HLA-G: variants seen among roughly 807,000 people sequenced by gnomAD.
HLA-G encodes the protein major histocompatibility complex, class I, G, also known as HLA class I histocompatibility antigen, alpha chain G.
Under a neutral mutation model 39.3 loss-of-function variants are expected in HLA-G, and 34 were observed. That is an observed-to-expected ratio of 0.86 (90% confidence interval 0.66 to 1.15). HLA-G has a LOEUF of 1.15. Ranked by LOEUF, HLA-G falls within the 50% of genes most tolerant of loss-of-function variation. HLA-G has a pLI of 0.00. For synonymous variants in HLA-G, 183 were observed against 185.8 expected, an observed-to-expected ratio of 0.99 and a Z score of 0.12; for missense variants, 419 against 456.4, an observed-to-expected ratio of 0.92 and a Z score of 0.75.
intron 2 of HLA-G, 94 bp from the exon 3 acceptor site, chr6:29,828,449 G>A: frequency 6.6e-7 from 1 of 1,520,798 alleles, no homozygotes; most frequent in African/African-American, 1.6e-5. Flanking sequence ...CTCTACCTGG[G>A]AGAACCCCAA....
chr6:29,830,005 T>C (rs1611627), intron 5 of HLA-G, 73 bp downstream of exon 5: 434,773 of 1,079,498 alleles, frequency 0.4, 90,737 homozygotes, highest in East Asian at 0.53. Flanking sequence ...GGTAGAAGTG[T>C]GCCCTGCCTG....
chr6:29,829,995 G>GT, intron 5 of HLA-G, 63 bp downstream of exon 5: 1 of 1,223,794 alleles, frequency 8.2e-7, no homozygotes, highest in Non-Finnish European at 1.2e-6. Context: ...TCAAGCCCCA[G>GT]GTAGAAGTGT....
At chr6:29,830,634 G>T (rs1761195893) in intron 6 of HLA-G, 134 bp from the exon 7 acceptor site, 1 of 715,770 alleles carries the variant, frequency 1.4e-6, no homozygotes, top group Non-Finnish European at 2.6e-6. Flanking sequence ...TGTGTGGGTT[G>T]TTGAGGGGAA....
intron 3 of HLA-G, among the ~76,000 whole-genome samples, 179 bp from the exon 4 acceptor site, chr6:29,829,239 G>C (rs1562470780): frequency 6.6e-6 from 1 of 151,338 alleles, no homozygotes; most frequent in Non-Finnish European, 1.5e-5. Flanking sequence ...TCAGAGACTA[G>C]AACTTTCCAA....
upstream of HLA-G, among the ~76,000 whole-genome samples, chr6:29,826,530 T>C (rs1428385289): frequency 6.6e-6 from 1 of 151,952 alleles, no homozygotes; most frequent in Non-Finnish European, 1.5e-5. Context: ...GGAACAGTGC[T>C]AGAGCCACAG....
chr6:29,828,337 G>A (rs535263603), intron 2 of HLA-G, 21 bp downstream of exon 2: 432 of 1,580,018 alleles, frequency 2.7e-4, no homozygotes, highest in Middle Eastern at 8.4e-4. Flanking sequence ...CCGGCCCAGG[G>A]AGCAGATCAC....
Position 29,830,804 on chromosome 6 carries a change from G to GATTTGTTCAGGCCT in HLA-G, c.*65_*66insATTTGTTCAGGCCT. The GATTTGTTCAGGCCT allele has an allele frequency of 2.2e-6, 1 of 450,718 alleles. No homozygotes were observed. The highest frequency in any genetic ancestry group is 4.4e-6 in the Non-Finnish European group (1 of 228,050). The allele number at this position is 450,718 out of a possible 1,614,324, so 27.9% of individuals were successfully genotyped here. A position where few individuals can be genotyped will look rare whatever the true frequency, so the allele number is the denominator to read the frequency against. ...TGCCCTGTGTGGGACTGAGTGGCAAGTCCCTTTGTGACTTCAAGAACCCTG... is the reference window on the plus strand; with the variant it reads ...TGCCCTGTGTGGGACTGAGTGGCAAGATTTGTTCAGGCCTTCCCTTTGTGACTTCAAGAACCCTG... On this transcript the variant is annotated 3_prime_UTR_variant, in exon 7 of 7. Coordinates refer to ENST00000360323, the MANE Select transcript of HLA-G (RefSeq NM_001384290.1).
intron 6 of HLA-G, 32 bp downstream of exon 6, chr6:29,830,442 C>T: frequency 6.3e-7 from 1 of 1,588,116 alleles, no homozygotes; most frequent in East Asian, 2.2e-5. Context: ...CCCTGAGATC[C>T]TTGGGATCTT....
upstream of HLA-G, among the ~76,000 whole-genome samples, chr6:29,826,513 A>G (rs933670302): frequency 6.6e-5 from 10 of 152,166 alleles, no homozygotes; most frequent in Non-Finnish European, 1.5e-4. Context: ...CTCATGTAGC[A>G]GGTCATGGAA....
In HLA-G at chr6:29,828,228, A is replaced by AC; in HGVS notation, c.255_256insC (p.Glu86ArgfsTer13). ...AGCAGGAGGGGCCGGAGTATTGGGA[A>AC]GAGGAGACACGGAACACCAAGGCCC... On this transcript the variant is annotated frameshift_variant, in exon 2 of 7. Coordinates refer to ENST00000360323, the MANE Select transcript of HLA-G (RefSeq NM_001384290.1). LOFTEE classifies it high-confidence loss of function. 1 of 1,613,236 alleles carries AC rather than the reference A, an allele frequency of 6.2e-7. No homozygotes were observed.
rs3873252 is a variant in HLA-G, at chr6:29,828,592, A to C, written c.393A>C (p.Gly131=). Residue 131 remains glycine (G), a synonymous_variant, in exon 3 of 7, where the codon GGA becomes GGC. Coordinates refer to ENST00000360323, the MANE Select transcript of HLA-G (RefSeq NM_001384290.1). ...WMIGCDLGSD[G]RLLRGYEQYA... is the part of the protein sequence containing the mutation. ...TTGGCTGCGACCTGGGGTCCGACGG[A>C]CGCCTCCTCCGCGGGTATGAACAGT... 7 of 1,612,750 alleles carry C rather than the reference A, an allele frequency of 4.3e-6. No homozygotes were observed. The African/African-American group carries it at 5.3e-5, about 12-fold the overall frequency.
intron 2 of HLA-G, 40 bp from the exon 3 acceptor site, chr6:29,828,503 G>T: frequency 1.3e-6 from 2 of 1,598,544 alleles, no homozygotes; most frequent in Non-Finnish European, 1.7e-6. Flanking sequence ...GGGCGAGGGC[G>T]AGGCTCGGTG....
intron 2 of HLA-G, 81 bp from the exon 3 acceptor site, chr6:29,828,462 C>T: frequency 6.4e-7 from 1 of 1,564,004 alleles, no homozygotes; most frequent in Non-Finnish European, 8.6e-7. Flanking sequence ...AACCCCAAGG[C>T]GCCTTTACCA....
Position 29,828,679 on chromosome 6 carries a change from G to T in HLA-G, c.480G>T (p.Ala160=). The change falls in exon 3 of 7, where the codon GCG becomes GCT. Residue 160 remains alanine (A), a synonymous_variant. Coordinates refer to ENST00000360323, the MANE Select transcript of HLA-G (RefSeq NM_001384290.1). ...LNEDLRSWTA[A]DTAAQISKRK... ...AGGACCTGCGCTCCTGGACCGCAGCGGACACTGCGGCTCAGATCTCCAAGC... is the reference window on the plus strand; with the variant it reads ...AGGACCTGCGCTCCTGGACCGCAGCTGACACTGCGGCTCAGATCTCCAAGC... The T allele has an allele frequency of 6.2e-7, 1 of 1,613,600 alleles. No homozygotes were observed. Among genetic ancestry groups the T allele is most frequent in the Non-Finnish European group, 8.5e-7 (1 of 1,180,020 alleles).
At chr6:29,830,648 G>T (rs915669) in intron 6 of HLA-G, 120 bp from the exon 7 acceptor site, 371,415 of 685,742 alleles carry the variant, frequency 0.54, 103,863 homozygotes, top group South Asian at 0.71. Context: ...AGGGGAACAG[G>T]GGACATAGCT....
rs757206985 is a variant in HLA-G at position 29,828,838 on chromosome 6, G to A, written c.619+20G>A. On this transcript the variant is annotated intron_variant, in intron 3 of 6. Coordinates refer to ENST00000360323, the MANE Select transcript of HLA-G (RefSeq NM_001384290.1). ...GCGCGGGTACCAGGGGCAGTGGGGCGCCTCCCTGATCTCCTGTAGACCTCT... is the reference window on the plus strand; with the variant it reads ...GCGCGGGTACCAGGGGCAGTGGGGCACCTCCCTGATCTCCTGTAGACCTCT... 1 of 1,613,804 alleles carries A rather than the reference G, an allele frequency of 6.2e-7. No homozygotes were observed. The highest frequency in any genetic ancestry group is 8.5e-7 in the Non-Finnish European group (1 of 1,179,960).
intron 1 of HLA-G, 37 bp downstream of exon 1, chr6:29,827,954 G>T: frequency 6.3e-7 from 1 of 1,591,810 alleles, no homozygotes; most frequent in South Asian, 1.1e-5. Context: ...GCCCCTGCGC[G>T]GAGGAGGGAG....
chr6:29,829,349 C>T, intron 3 of HLA-G, 69 bp from the exon 4 acceptor site: 1 of 1,528,886 alleles, frequency 6.5e-7, no homozygotes, highest in Non-Finnish European at 8.9e-7. Context: ...AGGATGGTCA[C>T]ATCCAGGTGC....
upstream of HLA-G, chr6:29,827,409 A>G: frequency 2.8e-6 from 1 of 353,148 alleles, no homozygotes; most frequent in Non-Finnish European, 5.5e-6. Context: ...GAGGACAGGC[A>G]AGGAGTGGGA....
Sources: gnomAD v4.1 joint callset for allele counts (sites outside exome capture counted in the v4.1 genomes callset) on GRCh38, gnomAD v4.1.1 for gene constraint, MANE v1.5 for transcripts, NCBI Gene and HGNC (gene_info 2026-07-23, HGNC 2026-07-21) for gene names.